The following SULT2B1 variants were observed in gnomAD, a reference collection of about 807,000 sequenced individuals.
The protein encoded by SULT2B1 is sulfotransferase family 2B member 1.
In SULT2B1, 16 loss-of-function variants were observed where a neutral mutation model predicts 33.2. The ratio of observed to expected loss-of-function variants is 0.48; its 90% CI spans 0.33 to 0.73. The LOEUF is 0.73. Among genes scored for constraint, SULT2B1 ranks in the 30% least tolerant of loss-of-function variants. SULT2B1 has a pLI of 0.02. For missense variants in SULT2B1, 500 were observed against 506.0 expected (o/e 0.99, Z 0.11); for synonymous variants, 186 against 200.5 (o/e 0.93, Z 0.61).
chr19:48,591,833 C>T, intron 4 of SULT2B1, 98 bp downstream of exon 4: 4 of 1,381,538 alleles, frequency 2.9e-6, no homozygotes, highest in Non-Finnish European at 3.8e-6. Flanking sequence ...GGGAGAGAGA[C>T]AGAGACACAG....
At chr19:48,573,528 C>A (rs3760803) in intron 1 of SULT2B1, among the ~76,000 whole-genome samples, 3 of 151,670 alleles carry the variant, frequency 2.0e-5, no homozygotes, top group African/African-American at 7.3e-5. Context: ...GGGTGGGGGA[C>A]AGGGGGGTCC....
At chr19:48,581,678 C>T (rs536458685) in intron 2 of SULT2B1, among the ~76,000 whole-genome samples, 4 of 148,164 alleles carry the variant, frequency 2.7e-5, no homozygotes, top group African/African-American at 2.5e-5. Flanking sequence ...AGGATGGTCT[C>T]GATCTCCTGA....
intron 2 of SULT2B1, among the ~76,000 whole-genome samples, chr19:48,583,512 CA>C (rs1973521461): frequency 6.6e-6 from 1 of 152,108 alleles, no homozygotes; most frequent in African/African-American, 2.4e-5. Flanking sequence ...GAATATTATT[CA>C]GCTGTAAAAA....
intron 1 of SULT2B1, among the ~76,000 whole-genome samples, chr19:48,556,134 T>C (rs1003914287): frequency 6.6e-6 from 1 of 152,216 alleles, no homozygotes; most frequent in African/African-American, 2.4e-5. Flanking sequence ...ACCTCTGCCC[T>C]CTCTCCTTCC....
rs1973307643 is a variant in SULT2B1 at position 48,570,509 on chromosome 19, T to A, written c.72-5432T>A. On this transcript the variant is annotated intron_variant, in intron 1 of 6. Transcript: ENST00000201586. ...TTTTTCATCGCTGAGTAGTATCGCA[T>A]GGCACAGAATACTGCTGTTTATCCA... Among the ~76,000 whole-genome samples, 3 of 151,946 alleles carry A rather than the reference T, an allele frequency of 2.0e-5. No individual in the cohort carries two copies. The South Asian group carries it at 6.2e-4, about 32-fold the overall frequency.
At chr19:48,591,477 A>G in intron 3 of SULT2B1, 132 bp from the exon 4 acceptor site, 1 of 1,109,470 alleles carries the variant, frequency 9.0e-7, no homozygotes, top group Non-Finnish European at 1.2e-6. Context: ...CATCGCAAAA[A>G]AAAAAGAGTC....
intron 1 of SULT2B1, among the ~76,000 whole-genome samples, chr19:48,555,536 A>C (rs1973086869): frequency 7.8e-6 from 1 of 128,002 alleles, no homozygotes; most frequent in African/African-American, 3.2e-5. Flanking sequence ...TTGCATAGGG[A>C]TCCCAGAGAC....
At chr19:48,595,331 C>G (rs1238662673) in intron 5 of SULT2B1, among the ~76,000 whole-genome samples, 4 of 151,920 alleles carry the variant, frequency 2.6e-5, no homozygotes, top group Middle Eastern at 3.4e-3. Context: ...GCTCCAGGGA[C>G]CTGAGCTCCT....
chr19:48,595,708 C>T (rs1470515109), intron 5 of SULT2B1: 1 of 148,262 alleles, frequency 6.7e-6, no homozygotes, highest in African/African-American at 2.5e-5. Flanking sequence ...CACTCTGCCA[C>T]CCAGGCTGTA....
intron 3 of SULT2B1, among the ~76,000 whole-genome samples, chr19:48,588,527 CATAT>C (rs1199450326): frequency 1.9e-4 from 26 of 135,874 alleles, no homozygotes; most frequent in African/African-American, 9.4e-4. Flanking sequence ...AAAAAACCCC[CATAT>C]ATTATACTAC....
At chr19:48,593,736 G>C (rs1171188238) in intron 5 of SULT2B1, among the ~76,000 whole-genome samples, 1 of 150,196 alleles carries the variant, frequency 6.7e-6, no homozygotes, top group African/African-American at 2.4e-5. Context: ...CCACGTTCAA[G>C]CAATTCTCCT....
intron 5 of SULT2B1, chr19:48,596,124 A>G (rs2665586): frequency 0.89 from 135,137 of 152,514 alleles, 59,961 homozygotes; most frequent in East Asian, 0.99. Context: ...CCGGCTGCTG[A>G]GGCATGGATC....
intron 5 of SULT2B1, chr19:48,596,511 A>C: frequency 2.2e-6 from 1 of 447,964 alleles, no homozygotes; most frequent in Non-Finnish European, 3.9e-6. Flanking sequence ...CTCTGCCCCA[A>C]GCCCACCTAT....
At chr19:48,562,193 C>T (rs531491621) in intron 1 of SULT2B1, among the ~76,000 whole-genome samples, 20 of 152,242 alleles carry the variant, frequency 1.3e-4, no homozygotes, top group African/African-American at 3.6e-4. Flanking sequence ...TCAAGGCCAG[C>T]CTGGCTAACA....
intron 1 of SULT2B1, among the ~76,000 whole-genome samples, chr19:48,556,338 A>G (rs549836005): frequency 2.4e-3 from 366 of 152,272 alleles, no homozygotes; most frequent in Non-Finnish European, 4.6e-3. Context: ...GAAATCTGTG[A>G]AAAGGACGTC....
rs1973767047 is a variant in SULT2B1 at position 48,599,288 on chromosome 19, C to CTGAGCCCAAGCCCAGCCT, written c.990_1007dup (p.Lys330_Pro335dup). ...CCAGATCCTGAGCCCAGCCCTGAGC[C>CTGAGCCCAAGCCCAGCCT]TGAGCCCAAGCCCAGCCTTGAGCCC... On this transcript the variant is annotated inframe_insertion, in exon 7 of 7. Transcript: ENST00000201586. This position sits in a 1 kb window ranked among gnomAD's most constrained non-coding sequence, Gnocchi z 4.1. 1.2e-6 allele frequency: 2 copies of CTGAGCCCAAGCCCAGCCT among 1,610,682 alleles called. No homozygotes were observed. Among genetic ancestry groups the CTGAGCCCAAGCCCAGCCT allele is most frequent in the Non-Finnish European group, 1.7e-6 (2 of 1,178,778 alleles).
Position 48,587,242 on chromosome 19 carries a change from G to A in SULT2B1, c.228G>A (p.Met76Ile), listed in dbSNP as rs1316371984. ...ITYPKSGTTW[M>I]IEIICLILKE... ...TTCTCCCAACAGGCACGACCTGGAT[G>A]ATCGAGATCATCTGCTTAATCCTGA... The change falls in exon 3 of 7, where the codon ATG (methionine) becomes ATA (isoleucine). Residue 76 changes from methionine (M) to isoleucine (I), a missense_variant. Met to Ile is a conservative substitution (Grantham distance 10). Transcript: ENST00000201586. 1 of 1,611,860 alleles carries A rather than the reference G, an allele frequency of 6.2e-7. No homozygotes were observed. Among genetic ancestry groups the A allele is most frequent in the Non-Finnish European group, 8.5e-7 (1 of 1,178,788 alleles).
chr19:48,558,288 C>A (rs1339448659), intron 1 of SULT2B1, among the ~76,000 whole-genome samples: 1 of 152,148 alleles, frequency 6.6e-6, no homozygotes, highest in Admixed American at 6.5e-5. Flanking sequence ...TGAGCAAGAC[C>A]CGGAAGGAGC....
intron 1 of SULT2B1, among the ~76,000 whole-genome samples, chr19:48,571,619 A>G (rs930415137): frequency 6.0e-5 from 9 of 150,640 alleles, no homozygotes; most frequent in Admixed American, 2.7e-4. Context: ...ACATTGGCAA[A>G]CAAGACAGAA....
Sources: allele counts gnomAD v4.1 joint callset (sites outside exome capture counted in the v4.1 genomes callset), GRCh38; gene constraint gnomAD v4.1.1; non-coding constraint Gnocchi (gnomAD v3.1); transcripts MANE v1.5; gene names NCBI Gene and HGNC (gene_info 2026-07-23, HGNC 2026-07-21).